DHX37: variants seen among roughly 807,000 people sequenced by gnomAD.
DHX37 encodes DEAH-box helicase 37.
A neutral mutation model predicts 134.3 loss-of-function variants in DHX37; 52 were observed. That is an observed-to-expected ratio of 0.39 (90% CI 0.31 to 0.49). DHX37 has a LOEUF of 0.49. DHX37 is among the 20% of genes least tolerant of loss of function. DHX37 has a pLI of 0.93. For synonymous variants in DHX37, 634 were observed against 670.7 expected (o/e 0.95, Z 0.85); for missense variants, 1,344 against 1,580.8 (o/e 0.85, Z 2.54).
intron 2 of DHX37, among the ~76,000 whole-genome samples, chr12:124,985,376 T>C (rs996254721): frequency 7.9e-5 from 12 of 152,052 alleles, no homozygotes; most frequent in Non-Finnish European, 1.5e-4. Flanking sequence ...CTCTTTACTC[T>C]TGCAAATGTT....
Position 124,949,467 on chromosome 12 carries a change from C to G in DHX37, c.3290+519G>C, listed in dbSNP as rs1953931231. Among the ~76,000 whole-genome samples, 1 of 103,308 alleles carries G rather than the reference C, an allele frequency of 9.7e-6. No homozygotes were observed. Among genetic ancestry groups the G allele is most frequent in the South Asian group, 5.5e-4 (1 of 1,818 alleles). 67.8% of individuals were successfully genotyped at this position (103,308 alleles called of 152,430 possible). ...GTGGTGGGCGGGATGGGGCAGGGGT[C>G]TGCTTAGCTGGGAGGAAGTCCCCAG... On this transcript the variant is annotated intron_variant, in intron 25 of 26. Coordinates refer to ENST00000308736, the MANE Select transcript of DHX37 (RefSeq NM_032656.4). The surrounding 1 kb of genome is among the most constrained non-coding windows in gnomAD (Gnocchi z 4.0).
intron 4 of DHX37, 123 bp from the exon 5 acceptor site, chr12:124,977,613 C>T (rs1954673040): frequency 8.3e-7 from 1 of 1,206,532 alleles, no homozygotes; most frequent in Non-Finnish European, 1.1e-6. Flanking sequence ...AACAGAGGCC[C>T]TGACAGCTGG....
At chr12:124,953,638 A>AC in intron 20 of DHX37, 1 of 618,082 alleles carries the variant, frequency 1.6e-6, no homozygotes, top group Middle Eastern at 5.0e-4. Context: ...AAAAGGTGAA[A>AC]CCGAGCGACG....
chr12:124,971,497 G>T, intron 7 of DHX37, 82 bp from the exon 8 acceptor site: 2 of 1,553,210 alleles, frequency 1.3e-6, no homozygotes, highest in Non-Finnish European at 1.7e-6. Flanking sequence ...CCCACTTGAG[G>T]AGACAGTGTT....
chr12:124,971,683 A>C (rs1213940749), intron 7 of DHX37, among the ~76,000 whole-genome samples: 1 of 152,178 alleles, frequency 6.6e-6, no homozygotes, highest in Admixed American at 6.5e-5. Context: ...TGCCACCCCC[A>C]GGAGTCCCAG....
chr12:124,977,267 A>G (rs1487772624), intron 5 of DHX37, 75 bp downstream of exon 5: 2 of 1,444,946 alleles, frequency 1.4e-6, no homozygotes, highest in Non-Finnish European at 1.8e-6. Context: ...TGGGGAGCCC[A>G]GGCTCTTATC....
At chr12:124,984,795 T>C (rs1954831880) in intron 2 of DHX37, among the ~76,000 whole-genome samples, 1 of 152,160 alleles carries the variant, frequency 6.6e-6, no homozygotes, top group African/African-American at 2.4e-5. Flanking sequence ...CTATGTATAG[T>C]GGGTTAAATG....
intron 15 of DHX37, 39 bp downstream of exon 15, chr12:124,964,355 C>T (rs376960632): frequency 3.0e-5 from 48 of 1,606,892 alleles, no homozygotes; most frequent in East Asian, 4.5e-5. Context: ...TATTGCAAGG[C>T]GGCACCAACG....
In DHX37 at chr12:124,952,412, TC is replaced by T; in HGVS notation, c.2853del (p.Trp951Ter). The T allele has an allele frequency of 6.2e-7, 1 of 1,609,358 alleles. No individual in the cohort carries two copies. ...VQSEEMLEDK[W>X]RNAYKTPLLD... ...GGGGGCCGCACCTTGTAGGCGTTCC[TC>T]CACTTGTCCTCCAGCATCTCCTCGC... is the stretch of plus-strand genomic sequence containing the variant. On this transcript the variant is annotated frameshift_variant, in exon 21 of 27. Transcript: ENST00000308736. LOFTEE classifies it high-confidence loss of function.
Position 124,950,533 on chromosome 12 carries a change from C to A in DHX37, c.3001G>T (p.Val1001Phe). Residue 1001 changes from valine to phenylalanine, a missense_variant, in exon 23 of 27, where the codon GTC becomes TTC. Around this residue, in one of 7 missense-constraint regions of DHX37, gnomAD observed 558 missense variants for 650.0 expected, o/e 0.86. Coordinates refer to ENST00000308736, the MANE Select transcript of DHX37 (RefSeq NM_032656.4). ...GGCAGCAGGGCCGGGATCCACTGGA[C>A]CTCCACGCTAGAGACGCCTGGGGGC... ...MYMKGVSSVE[V>F]QWIPALLPSY... The A allele has an allele frequency of 6.4e-7, 1 of 1,558,154 alleles. No individual in the cohort carries two copies. Among genetic ancestry groups the A allele is most frequent in the Non-Finnish European group, 8.7e-7 (1 of 1,152,910 alleles).
At chr12:124,950,652 C>T in intron 22 of DHX37, 38 bp downstream of exon 22, 2 of 1,606,174 alleles carry the variant, frequency 1.2e-6, no homozygotes, top group Non-Finnish European at 1.7e-6. Flanking sequence ...ATTAGCGTCA[C>T]CATCGGGGGA....
intron 15 of DHX37, among the ~76,000 whole-genome samples, chr12:124,963,569 A>G (rs1472800255): frequency 6.6e-6 from 1 of 152,170 alleles, no homozygotes; most frequent in African/African-American, 2.4e-5. Context: ...TGACCTCAGT[A>G]GCAGAATAAA....
In DHX37 at chr12:124,964,673, G is replaced by C. The variant is rs758960662; in HGVS notation, c.1813-47C>G. 1.4e-5 allele frequency: 23 copies of C among 1,600,720 alleles called. No individual in the cohort carries two copies. In the South Asian group the frequency reaches 1.6e-4, roughly 11 times the overall value. Reference sequence around the variant, plus strand: ...GCAGGAAAACACCAGAATCAGAAAAGAAATCGTGGAATGGAGGCTCAAGGA... The same window carrying C: ...GCAGGAAAACACCAGAATCAGAAAACAAATCGTGGAATGGAGGCTCAAGGA... On this transcript the variant is annotated intron_variant, in intron 14 of 26. Transcript: ENST00000308736.
chr12:124,968,922 A>G lies in DHX37; in HGVS notation c.1238T>C (p.Val413Ala), dbSNP rs779239033. Residue 413 changes from valine to alanine, a missense_variant, in exon 9 of 27, where the codon GTG becomes GCG. Physicochemically the swap from Val to Ala is moderately conservative, Grantham distance 64 (BLOSUM62 0). Coordinates refer to ENST00000308736, the MANE Select transcript of DHX37 (RefSeq NM_032656.4). ...CCGTGGGTTCTGGGTGAAGTCCTCC[A>G]CCCGCAGCGTGGCCGACATGATGAG... ...KLLIMSATLR[V>A]EDFTQNPRLF... The G allele has an allele frequency of 1.2e-6, 2 of 1,613,932 alleles. No individual in the cohort carries two copies. Among genetic ancestry groups the G allele is most frequent in the Non-Finnish European group, 1.7e-6 (2 of 1,179,998 alleles).
chr12:124,953,854 A>G, intron 20 of DHX37, 26 bp downstream of exon 20: 1 of 1,606,006 alleles, frequency 6.2e-7, no homozygotes, highest in Non-Finnish European at 8.5e-7. Context: ...CGCCGGGTGC[A>G]GCGGCGTGCC....
chr12:124,953,905 G>A lies in DHX37; in HGVS notation c.2670C>T (p.Arg890=). The part of the protein sequence containing the change: ...LRYKAMMEIR[R]LRGQLTTAVN... ...CTGCGGTGGTCAGCTGGCCCCGCAG[G>A]CGCCGGATCTCCATCATGGCTTTGT... The change falls in exon 20 of 27, where the codon CGC becomes CGT. Residue 890 remains arginine (R), a synonymous_variant. Transcript: ENST00000308736. 3 of 1,612,020 alleles carry A rather than the reference G, an allele frequency of 1.9e-6. No homozygotes were observed. The highest frequency in any genetic ancestry group is 2.5e-6 in the Non-Finnish European group (3 of 1,179,460).
chr12:124,951,994 A>G (rs1001410310), intron 21 of DHX37, among the ~76,000 whole-genome samples: 2 of 151,956 alleles, frequency 1.3e-5, no homozygotes, highest in Non-Finnish European at 2.9e-5. Context: ...AACAACAACA[A>G]AATTAGTCGG....
rs182859644 is a variant in DHX37 at position 124,947,056 on chromosome 12, G to C, written c.*746C>G. ...CTCCCCCTCCCACCTCAGCCACAGA[G>C]GAACAAGGGAGACAAACTGAGGGCT... On this transcript the variant is annotated 3_prime_UTR_variant, in exon 27 of 27. Transcript: ENST00000308736. The C allele has an allele frequency of 5.9e-5, 9 of 151,812 alleles. No homozygotes were observed. In the East Asian group the frequency reaches 1.8e-3, roughly 30 times the overall value. 9.4% of individuals were successfully genotyped at this position (151,812 alleles called of 1,614,324 possible). A position where few individuals can be genotyped will look rare whatever the true frequency, so the allele number is the denominator to read the frequency against.
intron 14 of DHX37, 46 bp downstream of exon 14, chr12:124,964,884 C>T (rs1275920553): frequency 6.4e-7 from 1 of 1,553,484 alleles, no homozygotes. Context: ...CACTGTAATG[C>T]CCTTAAAAGT....
Sources: gnomAD v4.1 joint callset for allele counts (sites outside exome capture counted in the v4.1 genomes callset) on GRCh38, gnomAD v4.1.1 for gene constraint, gnomAD v4.1.1 regional missense constraint, Gnocchi (gnomAD v3.1) non-coding constraint, MANE v1.5 for transcripts, NCBI Gene and HGNC (gene_info 2026-07-23, HGNC 2026-07-21) for gene names.